Variants in ARID3B observed in about 807,000 individuals in gnomAD.
ARID3B encodes the protein AT-rich interactive domain-containing protein 3B.
Under a neutral mutation model 51.9 loss-of-function variants are expected in ARID3B, and 10 were observed. The observed-to-expected ratio is 0.19, with a 90% CI of 0.12 to 0.33. ARID3B has a LOEUF of 0.33. ARID3B is among the 10% of genes least tolerant of loss of function. The pLI is 1.00. For missense variants in ARID3B, 483 were observed against 716.3 expected (o/e 0.67, Z 3.72); for synonymous variants, 205 against 279.5 (o/e 0.73, Z 2.66).
intron 2 of ARID3B, among the ~76,000 whole-genome samples, chr15:74,546,335 A>G (rs887373286): frequency 6.6e-6 from 1 of 152,164 alleles, no homozygotes; most frequent in African/African-American, 2.4e-5. Flanking sequence ...CAGCGCTGGG[A>G]AAGTTCAGGC....
chr15:74,555,858 C>G (rs1269954896), intron 2 of ARID3B, among the ~76,000 whole-genome samples: 1 of 131,154 alleles, frequency 7.6e-6, no homozygotes, highest in Non-Finnish European at 1.5e-5. Flanking sequence ...GTGGCACAAT[C>G]TCCGCTCACT....
Position 74,596,421 on chromosome 15 carries a change from C to T in ARID3B, c.*647C>T. ...GAGGGCAGTTCAGGGCCAGGGCCCA[C>T]AGGGCATCTGCTGATGGGAAGGCAG... On this transcript the variant is annotated 3_prime_UTR_variant, in exon 9 of 9. Transcript: ENST00000346246. The T allele has an allele frequency of 4.3e-6, 1 of 233,594 alleles. No homozygotes were observed. The highest frequency in any genetic ancestry group is 8.5e-6 in the Non-Finnish European group (1 of 117,944). The allele number at this position is 233,594 out of a possible 1,614,324, so 14.5% of individuals were successfully genotyped here. A position where few individuals can be genotyped will look rare whatever the true frequency, so the allele number is the denominator to read the frequency against.
At chr15:74,551,612 C>T (rs1276518217) in intron 2 of ARID3B, among the ~76,000 whole-genome samples, 6 of 152,132 alleles carry the variant, frequency 3.9e-5, no homozygotes, top group South Asian at 2.1e-4. Context: ...TCCACGTTTA[C>T]GCATCTTCTC....
At chr15:74,564,368 G>T (rs953302339) in intron 2 of ARID3B, among the ~76,000 whole-genome samples, 7 of 152,112 alleles carry the variant, frequency 4.6e-5, no homozygotes, top group African/African-American at 1.7e-4. Flanking sequence ...TCTGAGAATT[G>T]GATTTTTAAC....
chr15:74,594,231 G>A (rs1292015456), intron 8 of ARID3B, among the ~76,000 whole-genome samples: 7 of 152,118 alleles, frequency 4.6e-5, no homozygotes, highest in African/African-American at 1.4e-4. Context: ...GGTGGATCAC[G>A]AAGTCAGGAT....
intron 4 of ARID3B, among the ~76,000 whole-genome samples, chr15:74,578,996 G>A (rs752050860): frequency 6.6e-6 from 1 of 152,266 alleles, no homozygotes; most frequent in Non-Finnish European, 1.5e-5. Context: ...GAGACACCCA[G>A]GTGGGCTGTG....
intron 2 of ARID3B, among the ~76,000 whole-genome samples, chr15:74,567,374 T>C (rs1409420494): frequency 6.6e-6 from 1 of 152,202 alleles, no homozygotes; most frequent in Non-Finnish European, 1.5e-5. Flanking sequence ...CTTGCTATTA[T>C]ATGCTATATG....
chr15:74,573,480 A>G, intron 4 of ARID3B: 1 of 476,014 alleles, frequency 2.1e-6, no homozygotes, highest in South Asian at 2.4e-5. Context: ...AGTCACTTCA[A>G]ATTCAAATAT....
At chr15:74,543,807 TA>T in intron 1 of ARID3B, 52 bp from the exon 2 acceptor site, 7 of 1,254,866 alleles carry the variant, frequency 5.6e-6, no homozygotes, top group Non-Finnish European at 7.8e-6. Context: ...TATACCTGCT[TA>T]ACATGGTTGT....
Position 74,593,256 on chromosome 15 carries a change from G to T in ARID3B, c.1519+20G>T, listed in dbSNP as rs1411900067. ...ATGCAGGTGAGGCCCTGGAGCTCTG[G>T]GGGAGGCCCACGTGGCCGCAGCTAG... On this transcript the variant is annotated intron_variant, in intron 8 of 8. Transcript: ENST00000346246. The T allele has an allele frequency of 1.2e-6, 2 of 1,606,294 alleles. No individual in the cohort carries two copies. Among genetic ancestry groups the T allele is most frequent in the Non-Finnish European group, 1.7e-6 (2 of 1,177,208 alleles).
intron 8 of ARID3B, 32 bp downstream of exon 8, chr15:74,593,268 G>A (rs752943513): frequency 8.2e-6 from 13 of 1,592,898 alleles, no homozygotes; most frequent in South Asian, 3.4e-5. Flanking sequence ...GGAGGCCCAC[G>A]TGGCCGCAGC....
At chr15:74,553,250 T>C (rs774179795) in intron 2 of ARID3B, among the ~76,000 whole-genome samples, 25 of 152,250 alleles carry the variant, frequency 1.6e-4, no homozygotes, top group Admixed American at 1.3e-3. Context: ...TATGCTGTCA[T>C]ACCTGGATAT....
Position 74,597,664 on chromosome 15 carries a change from T to G in ARID3B, c.*1890T>G, listed in dbSNP as rs1381860966. The G allele has an allele frequency of 1.9e-6, 1 of 526,220 alleles. No homozygotes were observed. The highest frequency in any genetic ancestry group is 2.3e-5 in the Admixed American group (1 of 42,670). 32.6% of individuals were successfully genotyped at this position (526,220 alleles called of 1,614,324 possible). ...GCCCATTTGAAGGTGTCTCAGACAT[T>G]TGGCCAGTATGTCTTTCTCAGGGGT... On this transcript the variant is annotated 3_prime_UTR_variant, in exon 9 of 9. Transcript: ENST00000346246.
chr15:74,541,813 C>G (rs772808244), intron 1 of ARID3B, among the ~76,000 whole-genome samples: 1 of 151,056 alleles, frequency 6.6e-6, no homozygotes, highest in Non-Finnish European at 1.5e-5. Flanking sequence ...GCAGGTAGTC[C>G]GTTGTACCCG....
intron 2 of ARID3B, among the ~76,000 whole-genome samples, chr15:74,565,427 G>A (rs1040429169): frequency 2.0e-5 from 3 of 152,324 alleles, no homozygotes; most frequent in Non-Finnish European, 2.9e-5. Flanking sequence ...GGACAGGGCA[G>A]TTTCTGAGAG....
At chr15:74,548,426 T>C (rs1270554513) in intron 2 of ARID3B, among the ~76,000 whole-genome samples, 1 of 152,208 alleles carries the variant, frequency 6.6e-6, no homozygotes, top group East Asian at 1.9e-4. Context: ...CTTTGGTTAC[T>C]GCATGTGGCT....
chr15:74,554,736 GT>G (rs1289366073), intron 2 of ARID3B, among the ~76,000 whole-genome samples: 1 of 151,960 alleles, frequency 6.6e-6, no homozygotes, highest in Non-Finnish European at 1.5e-5. Context: ...ATACTTTTCT[GT>G]TTTTATTCTT....
intron 2 of ARID3B, among the ~76,000 whole-genome samples, chr15:74,558,201 G>GTTTCTTTTTT (rs2061666676): frequency 7.4e-6 from 1 of 135,136 alleles, no homozygotes; most frequent in African/African-American, 2.8e-5. Flanking sequence ...TTTTTTTTGG[G>GTTTCTTTTTT]TACTATTTTT....
At position 74,560,311 on chromosome 15, in the gene ARID3B, A is replaced by C. The variant is rs550363423; in HGVS notation, c.553-12551A>C. On this transcript the variant is annotated intron_variant, in intron 2 of 8. Coordinates refer to ENST00000346246, the MANE Select transcript of ARID3B (RefSeq NM_006465.4). ...AATATTTTAGTTTTCAAAGTATATT[A>C]CAGAAGTAATAATAACTCAAATAAT... Among the ~76,000 whole-genome samples the C allele has an allele frequency of 2.6e-5, 4 of 152,278 alleles. No individual in the cohort carries two copies. The South Asian group carries it at 8.3e-4, about 32-fold the overall frequency.
Sources: allele counts gnomAD v4.1 joint callset (sites outside exome capture counted in the v4.1 genomes callset), GRCh38; gene constraint gnomAD v4.1.1; transcripts MANE v1.5; gene names NCBI Gene and HGNC (gene_info 2026-07-23, HGNC 2026-07-21).